Variants in PANK1 observed in about 807,000 individuals in gnomAD.
The protein encoded by PANK1 is pantothenate kinase 1.
PANK1 carries 18 observed loss-of-function variants against 40.1 expected under a neutral mutation model. The observed-to-expected ratio is 0.45, with a 90% confidence interval of 0.31 to 0.67. The LOEUF (loss-of-function observed/expected upper bound fraction) is 0.67. Ranked by LOEUF, PANK1 falls within the 30% of genes least tolerant of loss-of-function variation. The probability of loss-of-function intolerance (pLI) is 0.06; values close to 1 mark genes in which losing one functional copy is unlikely to be tolerated. For missense variants in PANK1, 457 were observed against 599.6 expected (o/e 0.76, Z 2.48); for synonymous variants, 242 against 237.7 (o/e 1.02, Z -0.17).
At chr10:89,608,019 A>G (rs1440373585) in intron 2 of PANK1, among the ~76,000 whole-genome samples, 1 of 149,658 alleles carries the variant, frequency 6.7e-6, no homozygotes, top group African/African-American at 2.4e-5. Context: ...GGTTATGACA[A>G]TGATCCTAAA....
Position 89,583,779 on chromosome 10 carries a change from T to C in PANK1, c.*627A>G, listed in dbSNP as rs1844106497. On this transcript the variant is annotated 3_prime_UTR_variant, in exon 7 of 7. Coordinates refer to ENST00000307534, the MANE Select transcript of PANK1 (RefSeq NM_148977.3). ...GAGCTGGTCAGCACCTTCATTGATA[T>C]GAACAATTATGTCAAAGAAAGGTTA... The C allele has an allele frequency of 6.6e-6, 1 of 152,232 alleles. No individual in the cohort carries two copies. Among genetic ancestry groups the C allele is most frequent in the African/African-American group, 2.4e-5 (1 of 41,436 alleles). The allele number at this position is 152,232 out of a possible 1,614,324, so 9.4% of individuals were successfully genotyped here.
intron 3 of PANK1, among the ~76,000 whole-genome samples, chr10:89,595,873 TAACTTCATTTACTA>T (rs1844582205): frequency 7.9e-4 from 64 of 81,268 alleles, no homozygotes; most frequent in South Asian, 2.5e-3. Flanking sequence ...TATATATATA[TAACTTCATTTACTA>T]ATATATATAT....
Position 89,645,091 on chromosome 10 carries a change from C to T in PANK1, c.-200G>A. The T allele has an allele frequency of 6.7e-7, 1 of 1,491,056 alleles. No individual in the cohort carries two copies. Among genetic ancestry groups the T allele is most frequent in the Non-Finnish European group, 8.9e-7 (1 of 1,128,826 alleles). 92.4% of individuals were successfully genotyped at this position (1,491,056 alleles called of 1,614,324 possible). On this transcript the variant is annotated 5_prime_UTR_variant, in exon 1 of 7. Coordinates refer to ENST00000307534, the MANE Select transcript of PANK1 (RefSeq NM_148977.3). Reference sequence around the variant, plus strand: ...CACCTCCTCTGCGCCCTGCCCCCCGCGCGCCGGCCCCACGGCGCCGGCCTG... The same window carrying T: ...CACCTCCTCTGCGCCCTGCCCCCCGTGCGCCGGCCCCACGGCGCCGGCCTG...
At chr10:89,599,600 A>C in intron 2 of PANK1, 95 bp from the exon 3 acceptor site, 1 of 1,186,050 alleles carries the variant, frequency 8.4e-7, no homozygotes, top group Non-Finnish European at 1.2e-6. Flanking sequence ...GGTCATTCAC[A>C]TGAAAAGCAT....
At chr10:89,582,881 T>C (rs1240055824), downstream of PANK1, 5 of 152,184 alleles carry the variant, frequency 3.3e-5, no homozygotes, top group Admixed American at 6.5e-5. Flanking sequence ...GCCTCCAATT[T>C]TGAAATGTAG....
At chr10:89,611,632 G>T in intron 2 of PANK1, 64 bp downstream of exon 2, 3 of 1,174,520 alleles carry the variant, frequency 2.6e-6, no homozygotes, top group South Asian at 1.5e-5. Context: ...TCTTCGGTAT[G>T]AGTGGCCATG....
At chr10:89,618,304 T>C (rs1845380831) in intron 1 of PANK1, among the ~76,000 whole-genome samples, 1 of 152,204 alleles carries the variant, frequency 6.6e-6, no homozygotes, top group Admixed American at 6.5e-5. Context: ...CACCATTATA[T>C]ACTAATATAC....
intron 3 of PANK1, among the ~76,000 whole-genome samples, chr10:89,598,460 A>C (rs1245098385): frequency 6.6e-6 from 1 of 152,216 alleles, no homozygotes; most frequent in Non-Finnish European, 1.5e-5. Context: ...CTAATCTCCT[A>C]AGTTGTTCCT....
chr10:89,638,084 T>G (rs536316583), intron 1 of PANK1, among the ~76,000 whole-genome samples: 5 of 152,324 alleles, frequency 3.3e-5, no homozygotes, highest in Admixed American at 6.5e-5. Flanking sequence ...TACATAATTG[T>G]GTGTGCTATA....
intron 1 of PANK1, among the ~76,000 whole-genome samples, chr10:89,614,674 G>A (rs533543675): frequency 6.6e-6 from 1 of 152,194 alleles, no homozygotes; most frequent in African/African-American, 2.4e-5. Context: ...GTGCACGCCT[G>A]TAGTCCCAGC....
chr10:89,619,563 G>A (rs1466321396), intron 1 of PANK1, among the ~76,000 whole-genome samples: 1 of 152,110 alleles, frequency 6.6e-6, no homozygotes, highest in Non-Finnish European at 1.5e-5. Context: ...AAGTGTTCCT[G>A]GCGAGTGTTC....
chr10:89,641,773 A>T (rs886224321), intron 1 of PANK1, among the ~76,000 whole-genome samples: 4 of 148,656 alleles, frequency 2.7e-5, no homozygotes, highest in Admixed American at 6.7e-5. Flanking sequence ...ATAAATAAAT[A>T]AAATAAAAAA....
intron 1 of PANK1, among the ~76,000 whole-genome samples, chr10:89,640,918 T>C (rs886178536): frequency 9.2e-5 from 14 of 152,252 alleles, no homozygotes; most frequent in Admixed American, 2.6e-4. Flanking sequence ...CTTACTGGTC[T>C]TTTGGAGGAA....
At chr10:89,607,206 G>A (rs1157214229) in intron 2 of PANK1, among the ~76,000 whole-genome samples, 2 of 152,126 alleles carry the variant, frequency 1.3e-5, no homozygotes, top group East Asian at 3.8e-4. Flanking sequence ...AATATTTAGA[G>A]GCCAATTAGA....
intron 6 of PANK1, among the ~76,000 whole-genome samples, chr10:89,585,440 A>G (rs1019962657): frequency 6.6e-6 from 1 of 152,168 alleles, no homozygotes; most frequent in Non-Finnish European, 1.5e-5. Context: ...GCTGAACTCA[A>G]TAGTTATAAC....
intron 1 of PANK1, among the ~76,000 whole-genome samples, chr10:89,619,782 G>A (rs576074991): frequency 1.3e-5 from 2 of 152,252 alleles, no homozygotes; most frequent in South Asian, 4.1e-4. Flanking sequence ...TCCAATATTT[G>A]TAAAGATTTG....
At chr10:89,625,547 A>G (rs1409360) in intron 1 of PANK1, 25,683 of 152,108 alleles carry the variant, frequency 0.17, 2,420 homozygotes, top group East Asian at 0.45. Context: ...AAGTAAGCAT[A>G]CATTCCTCCA....
intron 2 of PANK1, among the ~76,000 whole-genome samples, chr10:89,607,505 G>A (rs1030336691): frequency 4.6e-5 from 7 of 152,274 alleles, no homozygotes; most frequent in East Asian, 3.9e-4. Context: ...AGAAATGTGC[G>A]TACAAGCCAT....
At chr10:89,616,412 CAG>C (rs1406019573) in intron 1 of PANK1, among the ~76,000 whole-genome samples, 1 of 152,116 alleles carries the variant, frequency 6.6e-6, no homozygotes, top group Non-Finnish European at 1.5e-5. Flanking sequence ...TAAAATATGA[CAG>C]ATTTATATGA....
Sources: gnomAD v4.1 joint callset for allele counts (sites outside exome capture counted in the v4.1 genomes callset) on GRCh38, gnomAD v4.1.1 for gene constraint, MANE v1.5 for transcripts, NCBI Gene and HGNC (gene_info 2026-07-23, HGNC 2026-07-21) for gene names.